ANKRD18B: variants seen among roughly 807,000 people sequenced by gnomAD.
The protein encoded by ANKRD18B is ankyrin repeat domain-containing protein 18B.
Under a neutral mutation model 111.8 loss-of-function variants are expected in ANKRD18B, and 75 were observed. That is an observed-to-expected ratio of 0.67 (90% CI 0.56 to 0.81). The LOEUF (loss-of-function observed/expected upper bound fraction) is 0.81, where lower values mean the gene tolerates loss of function less well. Ranked by LOEUF, ANKRD18B falls within the 40% of genes least tolerant of loss-of-function variation. The probability of loss-of-function intolerance (pLI) is 0.00; values close to 1 mark genes in which losing one functional copy is unlikely to be tolerated. For missense variants in ANKRD18B, 1,038 were observed against 1,225.5 expected, an observed-to-expected ratio of 0.85 and a Z score of 2.28; for synonymous variants, 356 against 417.3, an observed-to-expected ratio of 0.85 and a Z score of 1.79.
intron 6 of ANKRD18B, among the ~76,000 whole-genome samples, chr9:33,537,403 T>C (rs1444784927): frequency 2.6e-5 from 4 of 152,158 alleles, no homozygotes; most frequent in Non-Finnish European, 5.9e-5. Flanking sequence ...TTCTTTAGAA[T>C]TCAGAGTTAT....
intron 10 of ANKRD18B, among the ~76,000 whole-genome samples, chr9:33,546,128 G>A (rs1470544569): frequency 2.0e-5 from 3 of 152,150 alleles, no homozygotes; most frequent in African/African-American, 7.2e-5. Flanking sequence ...ATTTAAAGAT[G>A]AATTACATTT....
At chr9:33,573,045 G>A, downstream of ANKRD18B, 1 of 591,954 alleles carries the variant, frequency 1.7e-6, no homozygotes, top group Non-Finnish European at 2.4e-6. Flanking sequence ...CAAAGATTAG[G>A]CCAGTGGTAG....
chr9:33,560,997 T>A (rs968187399), intron 14 of ANKRD18B, among the ~76,000 whole-genome samples: 2 of 152,128 alleles, frequency 1.3e-5, no homozygotes, highest in Admixed American at 6.5e-5. Context: ...GCTGTAAACA[T>A]TTATGTATGA....
chr9:33,571,998 G>C (rs562655855), intron 18 of ANKRD18B: 1 of 280,460 alleles, frequency 3.6e-6, no homozygotes, highest in Non-Finnish European at 6.7e-6. Context: ...ATTACCTGCC[G>C]GTCTTTTAGG....
intron 5 of ANKRD18B, among the ~76,000 whole-genome samples, chr9:33,535,966 A>G (rs1828195004): frequency 6.6e-6 from 1 of 151,928 alleles, no homozygotes; most frequent in African/African-American, 2.4e-5. Flanking sequence ...CTTGGAAATG[A>G]GGAAACATCA....
At chr9:33,538,711 G>A (rs1439842301) in intron 6 of ANKRD18B, among the ~76,000 whole-genome samples, 1 of 151,940 alleles carries the variant, frequency 6.6e-6, no homozygotes, top group Non-Finnish European at 1.5e-5. Flanking sequence ...CTCCAGCTGG[G>A]TGACAGAGCA....
intron 12 of ANKRD18B, among the ~76,000 whole-genome samples, chr9:33,551,239 C>T (rs1359214765): frequency 6.6e-6 from 1 of 152,206 alleles, no homozygotes; most frequent in Non-Finnish European, 1.5e-5. Context: ...AACAGTTTCA[C>T]TGAGAGATAA....
rs762254018 is a variant in ANKRD18B at position 33,566,443 on chromosome 9, G to A, written c.2685G>A (p.Ser895=). The A allele has an allele frequency of 2.8e-5, 45 of 1,609,902 alleles. No individual in the cohort carries two copies. The Admixed American group carries it at 4.2e-4, about 15-fold the overall frequency. The change falls in exon 15 of 19, where the codon TCG becomes TCA. Residue 895 remains serine, a synonymous_variant. Transcript: ENST00000684830. Reference sequence around the variant, plus strand: ...TTGGTAAAGTACAAGAATATAAATCGGAGCTGGATGAAAGGGCAATGCAGG... The same window carrying A: ...TTGGTAAAGTACAAGAATATAAATCAGAGCTGGATGAAAGGGCAATGCAGG... ...VELGKVQEYK[S]ELDERAMQAI... is the part of the protein sequence containing the mutation.
At chr9:33,552,651 C>T (rs1276386681) in intron 12 of ANKRD18B, among the ~76,000 whole-genome samples, 1 of 152,094 alleles carries the variant, frequency 6.6e-6, no homozygotes, top group Non-Finnish European at 1.5e-5. Context: ...CATTTGCTGC[C>T]ACTTTCAGTG....
chr9:33,548,930 T>C (rs1343254051), intron 11 of ANKRD18B, 75 bp downstream of exon 11: 3 of 1,294,862 alleles, frequency 2.3e-6, no homozygotes. Flanking sequence ...TTGAACGTAG[T>C]TCAATATAAA....
intron 1 of ANKRD18B, among the ~76,000 whole-genome samples, chr9:33,526,005 C>T (rs1828020400): frequency 6.6e-6 from 1 of 151,882 alleles, no homozygotes; most frequent in South Asian, 2.1e-4. Flanking sequence ...TTTGCAGATC[C>T]ACAAGTTACT....
Position 33,548,691 on chromosome 9 carries a change from C to G in ANKRD18B, c.1903C>G (p.Arg635Gly). 1 of 1,550,784 alleles carries G rather than the reference C, an allele frequency of 6.4e-7. No homozygotes were observed. The highest frequency in any genetic ancestry group is 2.4e-5 in the East Asian group (1 of 40,892). ...GCTTGAACGACAACTAGAGGATGCT[C>G]GTAAGGAAGGTGATAATAAAGAGAT... ...LLLERQLEDARKEGDNKEIVI... is the reference protein window; with the variant it reads ...LLLERQLEDAGKEGDNKEIVI... The change falls in exon 11 of 19, where the codon CGT becomes GGT. Residue 635 changes from arginine to glycine, a missense_variant. Around this residue, in one of 4 missense-constraint regions of ANKRD18B, gnomAD observed 524 missense variants for 677.9 expected, o/e 0.77. Coordinates refer to ENST00000684830, the MANE Select transcript of ANKRD18B (RefSeq NM_001393611.1).
Position 33,567,289 on chromosome 9 carries a change from A to G in ANKRD18B, c.2929A>G (p.Ser977Gly). The G allele has an allele frequency of 6.5e-7, 1 of 1,545,162 alleles. No individual in the cohort carries two copies. Among genetic ancestry groups the G allele is most frequent in the Admixed American group, 2.0e-5 (1 of 49,392 alleles). ...CTTTGCAGTAGCATTGAAAGCTAAC[A>G]GTTCCATGTCAGAAAAAATAACGAA... Reference protein sequence around the residue: ...EAFAVALKANSSMSEKITKSD... With the variant: ...EAFAVALKANGSMSEKITKSD... The change falls in exon 16 of 19, where the codon AGT becomes GGT. Residue 977 changes from serine to glycine, a missense_variant. By Grantham distance (56) the Ser-to-Gly change is moderately conservative (BLOSUM62 0). Coordinates refer to ENST00000684830, the MANE Select transcript of ANKRD18B (RefSeq NM_001393611.1).
At chr9:33,530,545 A>C (rs1489944710) in intron 3 of ANKRD18B, among the ~76,000 whole-genome samples, 5 of 151,508 alleles carry the variant, frequency 3.3e-5, no homozygotes, top group Non-Finnish European at 7.4e-5. Flanking sequence ...AAAAAAAAAA[A>C]AAACCTCAGT....
intron 6 of ANKRD18B, among the ~76,000 whole-genome samples, chr9:33,538,912 A>G (rs1025652180): frequency 6.6e-6 from 1 of 152,228 alleles, no homozygotes; most frequent in African/African-American, 2.4e-5. Context: ...AATTTAGTAC[A>G]TAATTATCAA....
intron 3 of ANKRD18B, among the ~76,000 whole-genome samples, chr9:33,531,592 T>C (rs534345916): frequency 9.3e-5 from 14 of 150,876 alleles, no homozygotes; most frequent in South Asian, 8.4e-4. Context: ...TCCAGTTTGC[T>C]ACTGTGCCCA....
Position 33,569,261 on chromosome 9 carries a change from C to CTT in ANKRD18B, c.3177+388_3177+389dup, listed in dbSNP as rs67285532. On this transcript the variant is annotated intron_variant, in intron 17 of 18. Coordinates refer to ENST00000684830, the MANE Select transcript of ANKRD18B (RefSeq NM_001393611.1). ...TGTAGTTTGTCTGTGGTTCATATCACTTTTTTTTTTTTTTTTTTTTTGAGA... is the reference window on the plus strand; with the variant it reads ...TGTAGTTTGTCTGTGGTTCATATCACTTTTTTTTTTTTTTTTTTTTTTTGAGA... 467 of 98,496 alleles carry CTT rather than the reference C, an allele frequency of 4.7e-3. 14 individuals are homozygous for CTT. Among genetic ancestry groups the CTT allele is most frequent in the African/African-American group, 0.014 (389 of 28,458 alleles). 6.1% of individuals were successfully genotyped at this position (98,496 alleles called of 1,614,324 possible). A position where few individuals can be genotyped will look rare whatever the true frequency, so the allele number is the denominator to read the frequency against.
At chr9:33,566,993 T>C (rs13286505) in intron 15 of ANKRD18B, 110 bp from the exon 16 acceptor site, 1 of 1,072,774 alleles carries the variant, frequency 9.3e-7, no homozygotes, top group South Asian at 1.7e-5. Context: ...AGCCTCTTTT[T>C]AACATATTCA....
At position 33,566,336 on chromosome 9, in the gene ANKRD18B, G is replaced by A. The variant is rs1280094445; in HGVS notation, c.2578G>A (p.Glu860Lys). Residue 860 changes from glutamate (E) to lysine (K), a missense_variant, in exon 15 of 19, where the codon GAA becomes AAA. By Grantham distance (56) the Glu-to-Lys change is moderately conservative. Transcript: ENST00000684830. Reference protein sequence around the residue: ...LSMGKVQEKCEKLEKDKKMLE... With the variant: ...LSMGKVQEKCKKLEKDKKMLE... Reference sequence around the variant, plus strand: ...TATGGGAAAAGTACAAGAGAAATGTGAAAAACTTGAGAAGGATAAAAAGAT... The same window carrying A: ...TATGGGAAAAGTACAAGAGAAATGTAAAAAACTTGAGAAGGATAAAAAGAT... 1.3e-6 allele frequency: 2 copies of A among 1,566,132 alleles called. No homozygotes were observed. Among genetic ancestry groups the A allele is most frequent in the African/African-American group, 2.7e-5 (2 of 73,280 alleles).
Sources: allele counts gnomAD v4.1 joint callset (sites outside exome capture counted in the v4.1 genomes callset), GRCh38; gene constraint gnomAD v4.1.1; regional missense constraint gnomAD v4.1.1; transcripts MANE v1.5; gene names NCBI Gene and HGNC (gene_info 2026-07-23, HGNC 2026-07-21).